The following CA12 variants were observed in gnomAD, a reference collection of about 807,000 sequenced individuals.
The protein encoded by CA12 is carbonate dehydratase XII.
A neutral mutation model predicts 46.8 loss-of-function variants in CA12; 36 were observed. The ratio of observed to expected loss-of-function variants is 0.77; its 90% CI spans 0.59 to 1.02. CA12 has a LOEUF of 1.02. CA12 is among the 50% of genes least tolerant of loss of function. CA12 has a pLI of 0.00. For synonymous variants in CA12, 202 were observed against 187.0 expected, an observed-to-expected ratio of 1.08 and a Z score of -0.65; for missense variants, 436 against 451.4, an observed-to-expected ratio of 0.97 and a Z score of 0.31.
At chr15:63,338,715 C>T (rs1485450901) in intron 8 of CA12, 104 bp downstream of exon 8, 1 of 1,517,190 alleles carries the variant, frequency 6.6e-7, no homozygotes, top group African/African-American at 1.4e-5. Context: ...GAGCTCTCAG[C>T]CAACTTCTTG....
chr15:63,322,825 A>G lies in CA12; in HGVS notation c.*3460T>C, dbSNP rs1170800415. On this transcript the variant is annotated 3_prime_UTR_variant, in exon 11 of 11. Transcript: ENST00000178638. This position sits in a 1 kb window ranked among gnomAD's most constrained non-coding sequence, Gnocchi z 4.1. Reference sequence around the variant, plus strand: ...CCTGTGTTCTAGCAGAGTACAGACCATCAGAAATGTTTCAATTCCAAAGCT... The same window carrying G: ...CCTGTGTTCTAGCAGAGTACAGACCGTCAGAAATGTTTCAATTCCAAAGCT... The G allele has an allele frequency of 6.6e-6, 1 of 152,296 alleles. No homozygotes were observed. The highest frequency in any genetic ancestry group is 1.5e-5 in the Non-Finnish European group (1 of 68,072). The allele number at this position is 152,296 out of a possible 1,614,324, so 9.4% of individuals were successfully genotyped here. A position where few individuals can be genotyped will look rare whatever the true frequency, so the allele number is the denominator to read the frequency against.
At chr15:63,376,582 C>CTTTCTTTCTTTCTTTCTT (rs1323768211) in intron 1 of CA12, among the ~76,000 whole-genome samples, 1 of 118,370 alleles carries the variant, frequency 8.4e-6, no homozygotes, top group African/African-American at 2.9e-5. Flanking sequence ...TTCTTTCTTT[C>CTTTCTTTCTTTCTTTCTT]TTTCTTTCTT....
chr15:63,328,214 A>G lies in CA12; in HGVS notation c.875-84T>C. ...GCAGCGTGTTGAGAGACGCTCTACC[A>G]TTTGTTTGGTCTTAGGCTGACAGAC... On this transcript the variant is annotated intron_variant, in intron 8 of 10. Coordinates refer to ENST00000178638, the MANE Select transcript of CA12 (RefSeq NM_001218.5). The surrounding 1 kb of genome is among the most constrained non-coding windows in gnomAD (Gnocchi z 5.9). 1 of 1,293,406 alleles carries G rather than the reference A, an allele frequency of 7.7e-7. No individual in the cohort carries two copies. Among genetic ancestry groups the G allele is most frequent in the Non-Finnish European group, 1.1e-6 (1 of 892,148 alleles). The allele number at this position is 1,293,406 out of a possible 1,614,324, so 80.1% of individuals were successfully genotyped here.
chr15:63,342,058 C>A lies in CA12; in HGVS notation c.469G>T (p.Ala157Ser), dbSNP rs569522889. ...TCTGACTTGTTGCTGGCAGTGCTGG[C>A]GTCAGGATAAAGGTCTGAGTTATAA... Reference protein sequence around the residue: ...VHYNSDLYPDASTASNKSEGL... With the variant: ...VHYNSDLYPDSSTASNKSEGL... The change falls in exon 5 of 11, where the codon GCC becomes TCC. Residue 157 changes from alanine to serine, a missense_variant. By Grantham distance (99) the Ala-to-Ser change is moderately conservative. Transcript: ENST00000178638. 6.2e-7 allele frequency: 1 copy of A among 1,613,982 alleles called. No individual in the cohort carries two copies. The highest frequency in any genetic ancestry group is 8.5e-7 in the Non-Finnish European group (1 of 1,179,904).
Position 63,328,764 on chromosome 15 carries a change from A to G in CA12, c.875-634T>C, listed in dbSNP as rs2038900374. On this transcript the variant is annotated intron_variant, in intron 8 of 10. Coordinates refer to ENST00000178638, the MANE Select transcript of CA12 (RefSeq NM_001218.5). This position sits in a 1 kb window ranked among gnomAD's most constrained non-coding sequence, Gnocchi z 5.9. ...CACACATGCTGGAGTGCAGTGGCAC[A>G]ATCTTGGCTCACTGCAACCTCCACC... 6.7e-6 allele frequency among the ~76,000 whole-genome samples: 1 copy of G among 149,828 alleles called. No homozygotes were observed. The highest frequency in any genetic ancestry group is 1.5e-5 in the Non-Finnish European group (1 of 67,316).
intron 2 of CA12, among the ~76,000 whole-genome samples, chr15:63,351,407 C>A (rs913259438): frequency 6.6e-6 from 1 of 152,178 alleles, no homozygotes; most frequent in Non-Finnish European, 1.5e-5. Flanking sequence ...TGGCACCACC[C>A]CACCACCCAT....
intron 2 of CA12, among the ~76,000 whole-genome samples, chr15:63,367,456 A>C (rs541364184): frequency 6.6e-6 from 1 of 152,322 alleles, no homozygotes; most frequent in East Asian, 1.9e-4. Context: ...CCACCCTGGG[A>C]AGGCACCAGG....
intron 10 of CA12, 123 bp from the exon 11 acceptor site, chr15:63,326,480 C>G: frequency 5.3e-6 from 4 of 761,670 alleles, no homozygotes; most frequent in Non-Finnish European, 9.3e-6. Context: ...GGGACCTTTC[C>G]CCAATTCTGT....
rs1047553072 is a variant in CA12, at chr15:63,331,731, C to T, written c.875-3601G>A. On this transcript the variant is annotated intron_variant, in intron 8 of 10. Transcript: ENST00000178638. This position sits in a 1 kb window ranked among gnomAD's most constrained non-coding sequence, Gnocchi z 5.3. ...GAAGGTACAGACACCCGGAGAAGGT[C>T]GGTGAGCTGCTTGCCACAAGGGCCT... 6.6e-6 allele frequency: 1 copy of T among 152,236 alleles called. No individual in the cohort carries two copies. The highest frequency in any genetic ancestry group is 1.5e-5 in the Non-Finnish European group (1 of 68,070). The allele number at this position is 152,236 out of a possible 1,614,324, so 9.4% of individuals were successfully genotyped here.
chr15:63,344,917 T>C (rs2152617619), intron 4 of CA12, among the ~76,000 whole-genome samples: 1 of 152,218 alleles, frequency 6.6e-6, no homozygotes, highest in East Asian at 1.9e-4. Flanking sequence ...TGACATCTTG[T>C]CCCTAGTGAG....
chr15:63,340,926 A>T lies in CA12; in HGVS notation c.526-143T>A. 3 of 729,478 alleles carry T rather than the reference A, an allele frequency of 4.1e-6. No individual in the cohort carries two copies. The South Asian group carries it at 4.4e-5, about 11-fold the overall frequency. The allele number at this position is 729,478 out of a possible 1,614,324, so 45.2% of individuals were successfully genotyped here. A position where few individuals can be genotyped will look rare whatever the true frequency, so the allele number is the denominator to read the frequency against. ...CCACTTTACTGGACAATTATGATGGATCACTAGGCTCTTGGGAGTTAGTGT... is the reference window on the plus strand; with the variant it reads ...CCACTTTACTGGACAATTATGATGGTTCACTAGGCTCTTGGGAGTTAGTGT... On this transcript the variant is annotated intron_variant, in intron 5 of 10. Transcript: ENST00000178638. This position sits in a 1 kb window ranked among gnomAD's most constrained non-coding sequence, Gnocchi z 4.4.
At chr15:63,337,327 A>G (rs763793255) in intron 8 of CA12, among the ~76,000 whole-genome samples, 1 of 152,254 alleles carries the variant, frequency 6.6e-6, no homozygotes. Flanking sequence ...TACAGTCTCC[A>G]TATGTTCAAC....
chr15:63,345,974 T>C lies in CA12; in HGVS notation c.287-355A>G, dbSNP rs1476997645. Among the ~76,000 whole-genome samples, 4 of 152,340 alleles carry C rather than the reference T, an allele frequency of 2.6e-5. No homozygotes were observed. The highest frequency in any genetic ancestry group is 9.6e-5 in the African/African-American group (4 of 41,570). ...GTACCTTCCAAGCTTTAGAATTATA[T>C]AGCAACAGCAACGATAACTGCTATT... is the stretch of plus-strand genomic sequence containing the variant. On this transcript the variant is annotated intron_variant, in intron 3 of 10. Coordinates refer to ENST00000178638, the MANE Select transcript of CA12 (RefSeq NM_001218.5). This position sits in a 1 kb window ranked among gnomAD's most constrained non-coding sequence, Gnocchi z 4.3.
Position 63,328,177 on chromosome 15 carries a change from C to T in CA12, c.875-47G>A. 6.4e-7 allele frequency: 1 copy of T among 1,563,998 alleles called. No homozygotes were observed. Among genetic ancestry groups the T allele is most frequent in the South Asian group, 1.1e-5 (1 of 90,024 alleles). ...ACGAGGTTACTCTAGAGTCAAACCACACTGGATTTGAGCAGCGTGTTGAGA... is the reference window on the plus strand; with the variant it reads ...ACGAGGTTACTCTAGAGTCAAACCATACTGGATTTGAGCAGCGTGTTGAGA... On this transcript the variant is annotated intron_variant, in intron 8 of 10. Transcript: ENST00000178638. This position sits in a 1 kb window ranked among gnomAD's most constrained non-coding sequence, Gnocchi z 5.9.
At position 63,345,375 on chromosome 15, in the gene CA12, G is replaced by T. The variant is rs2039132068; in HGVS notation, c.429+102C>A. 1 of 1,472,460 alleles carries T rather than the reference G, an allele frequency of 6.8e-7. No homozygotes were observed. The highest frequency in any genetic ancestry group is 9.3e-7 in the Non-Finnish European group (1 of 1,078,000). 91.2% of individuals were successfully genotyped at this position (1,472,460 alleles called of 1,614,324 possible). On this transcript the variant is annotated intron_variant, in intron 4 of 10. Coordinates refer to ENST00000178638, the MANE Select transcript of CA12 (RefSeq NM_001218.5). The surrounding 1 kb of genome is among the most constrained non-coding windows in gnomAD (Gnocchi z 4.3). ...AGGTGGGGCAGAGAGCCTGAAGGCA[G>T]CCTGTCCCATGCTCTGGTGTTATCT...
chr15:63,340,377 G>A lies in CA12; in HGVS notation c.658C>T (p.Arg220Cys), dbSNP rs769313979. The A allele has an allele frequency of 9.3e-6, 15 of 1,614,006 alleles. No homozygotes were observed. Among genetic ancestry groups the A allele is most frequent in the Middle Eastern group, 1.6e-4 (1 of 6,084 alleles). The change falls in exon 7 of 11, where the codon CGC (arginine) becomes TGC (cysteine). Residue 220 changes from arginine to cysteine, a missense_variant. Arg to Cys is a radical substitution (Grantham distance 180). Transcript: ENST00000178638. This position sits in a 1 kb window ranked among gnomAD's most constrained non-coding sequence, Gnocchi z 4.4. Reference protein sequence around the residue: ...LLPERTAEYYRYRGSLTTPPC... With the variant: ...LLPERTAEYYCYRGSLTTPPC... ...GGTGTGGTCAGGGACCCCCGGTAGC[G>A]GTAATATTCAGCGGTCCTCTCCGGA...
intron 2 of CA12, among the ~76,000 whole-genome samples, chr15:63,368,460 T>G (rs2039462299): frequency 1.3e-5 from 2 of 152,206 alleles, no homozygotes; most frequent in South Asian, 2.1e-4. Flanking sequence ...TGACCTATTC[T>G]CTTCCTCAAG....
rs376749141 is a variant in CA12, at chr15:63,339,068, G to A, written c.748-123C>T. ...CTCTGGAACCAGCTTCTGTGGGGCC[G>A]GGTGGGAGATATTAGAAAGCAGAGG... On this transcript the variant is annotated intron_variant, in intron 7 of 10. Transcript: ENST00000178638. This position sits in a 1 kb window ranked among gnomAD's most constrained non-coding sequence, Gnocchi z 4.3. The A allele has an allele frequency of 2.4e-4, 291 of 1,219,672 alleles. 2 individuals are homozygous for A. The East Asian group carries it at 4.2e-3, about 17-fold the overall frequency. 75.6% of individuals were successfully genotyped at this position (1,219,672 alleles called of 1,614,324 possible). A position where few individuals can be genotyped will look rare whatever the true frequency, so the allele number is the denominator to read the frequency against.
At position 63,337,047 on chromosome 15, in the gene CA12, A is replaced by G. The variant is rs2039013120; in HGVS notation, c.874+1772T>C. Among the ~76,000 whole-genome samples the G allele has an allele frequency of 2.0e-5, 3 of 152,254 alleles. No individual in the cohort carries two copies. The South Asian group carries it at 6.2e-4, about 31-fold the overall frequency. On this transcript the variant is annotated intron_variant, in intron 8 of 10. Coordinates refer to ENST00000178638, the MANE Select transcript of CA12 (RefSeq NM_001218.5). ...ACAGCGTTGTATCCATAACAGATAC[A>G]TTCCATGCACTCAGTTCATTTCCTA...
Sources: allele counts gnomAD v4.1 joint callset (sites outside exome capture counted in the v4.1 genomes callset), GRCh38; gene constraint gnomAD v4.1.1; non-coding constraint Gnocchi (gnomAD v3.1); transcripts MANE v1.5; gene names NCBI Gene and HGNC (gene_info 2026-07-23, HGNC 2026-07-21).